The following DLGAP2 variants were observed in gnomAD, a reference collection of about 807,000 sequenced individuals.
DLGAP2 encodes DLG associated protein 2, also known as disks large-associated protein 2.
A neutral mutation model predicts 100.3 loss-of-function variants in DLGAP2; 26 were observed. The observed-to-expected ratio is 0.26, with a 90% CI of 0.19 to 0.36. The LOEUF is 0.36. DLGAP2 is among the 10% of genes least tolerant of loss of function. DLGAP2 has a pLI of 1.00. For missense variants in DLGAP2, 1,858 were observed against 1,453.2 expected (o/e 1.28, Z -4.53); for synonymous variants, 886 against 630.1 (o/e 1.41, Z -6.08).
At chr8:1,579,497 G>A (rs760243140) in intron 6 of DLGAP2, among the ~76,000 whole-genome samples, 10 of 151,644 alleles carry the variant, frequency 6.6e-5, no homozygotes, top group Non-Finnish European at 1.0e-4. Flanking sequence ...AAATAATATC[G>A]CCAAAGTAAA....
chr8:1,470,525 A>G (rs1046162510), intron 3 of DLGAP2, among the ~76,000 whole-genome samples: 5 of 152,164 alleles, frequency 3.3e-5, no homozygotes, highest in Non-Finnish European at 4.4e-5. Context: ...AACAAAATCC[A>G]TGGGCCAGTC....
At chr8:1,311,672 G>A (rs913593913) in intron 3 of DLGAP2, among the ~76,000 whole-genome samples, 33 of 151,372 alleles carry the variant, frequency 2.2e-4, no homozygotes, top group African/African-American at 7.8e-4. Flanking sequence ...CACACGAAAG[G>A]TGTCTGACAA....
At chr8:1,681,470 C>CA (rs199907239) in intron 12 of DLGAP2, among the ~76,000 whole-genome samples, 1,810 of 151,134 alleles carry the variant, frequency 0.012, 37 homozygotes, top group African/African-American at 0.039. Flanking sequence ...TTGTCTCTAC[C>CA]AAAAAAAATA....
chr8:976,142 A>G (rs1195106104), intron 2 of DLGAP2, among the ~76,000 whole-genome samples: 1 of 152,232 alleles, frequency 6.6e-6, no homozygotes, highest in Non-Finnish European at 1.5e-5. Flanking sequence ...GAAAGCATGC[A>G]TAAGATCTGT....
chr8:949,798 C>T (rs61602051), intron 2 of DLGAP2, among the ~76,000 whole-genome samples: 2,990 of 152,202 alleles, frequency 0.02, 106 homozygotes, highest in African/African-American at 0.068. Context: ...CGTCCTGGGA[C>T]GCAGGTCACG....
chr8:1,461,669 T>A (rs1426635188), intron 3 of DLGAP2, among the ~76,000 whole-genome samples: 2 of 53,408 alleles, frequency 3.7e-5, no homozygotes, highest in Non-Finnish European at 6.7e-5. Context: ...TGGGAGAAGG[T>A]GCTGCTGTCA....
intron 3 of DLGAP2, among the ~76,000 whole-genome samples, chr8:1,448,550 A>T (rs935597745): frequency 6.6e-6 from 1 of 152,148 alleles, no homozygotes. Flanking sequence ...GTGCTGAAAA[A>T]AATGTATATT....
rs1381134137 is a variant in DLGAP2 at position 1,702,326 on chromosome 8, C to G, written c.*920C>G. On this transcript the variant is annotated 3_prime_UTR_variant, in exon 15 of 15. Transcript: ENST00000637795. ...TAATGTATGTATATATATATATTCT[C>G]AAATTGCTCTATCAGCTGACTTTTC... 1 of 151,530 alleles carries G rather than the reference C, an allele frequency of 6.6e-6. No individual in the cohort carries two copies. The highest frequency in any genetic ancestry group is 1.5e-5 in the Non-Finnish European group (1 of 67,968). 9.4% of individuals were successfully genotyped at this position (151,530 alleles called of 1,614,324 possible).
chr8:1,212,696 TA>T (rs1798130545), intron 2 of DLGAP2, among the ~76,000 whole-genome samples: 1 of 151,998 alleles, frequency 6.6e-6, no homozygotes, highest in African/African-American at 2.4e-5. Flanking sequence ...TGGGAGTGAT[TA>T]AGAAACCTTC....
intron 2 of DLGAP2, among the ~76,000 whole-genome samples, chr8:917,983 T>C (rs1798631549): frequency 1.3e-5 from 2 of 152,224 alleles, no homozygotes; most frequent in South Asian, 4.1e-4. Flanking sequence ...ATGATTAATT[T>C]GTAGAGTGCA....
At chr8:1,103,191 C>G (rs913774351) in intron 2 of DLGAP2, among the ~76,000 whole-genome samples, 4 of 152,108 alleles carry the variant, frequency 2.6e-5, no homozygotes, top group Non-Finnish European at 5.9e-5. Context: ...GCCTATCTGC[C>G]CTGTGTGTGT....
At chr8:1,092,955 A>G (rs1366592016) in intron 2 of DLGAP2, among the ~76,000 whole-genome samples, 4 of 152,200 alleles carry the variant, frequency 2.6e-5, no homozygotes, top group Non-Finnish European at 4.4e-5. Context: ...GAGAGATTGT[A>G]AGGAATCATT....
At position 1,134,514 on chromosome 8, in the gene DLGAP2, T is replaced by C. The variant is rs1468188881; in HGVS notation, c.74-124337T>C. Among the ~76,000 whole-genome samples, 6 of 115,206 alleles carry C rather than the reference T, an allele frequency of 5.2e-5. No homozygotes were observed. In the Middle Eastern group the frequency reaches 0.013, roughly 246 times the overall value. The allele number at this position is 115,206 out of a possible 152,430, so 75.6% of individuals were successfully genotyped here. A position where few individuals can be genotyped will look rare whatever the true frequency, so the allele number is the denominator to read the frequency against. ...GCATGTGTTATTTTTTGAGTTTTAG[T>C]AATAGCCAGGAATTTGCATTAATTA... On this transcript the variant is annotated intron_variant, in intron 2 of 14. Transcript: ENST00000637795.
chr8:1,270,995 T>C (rs1228678096), intron 3 of DLGAP2, among the ~76,000 whole-genome samples: 2 of 152,214 alleles, frequency 1.3e-5, no homozygotes, highest in Non-Finnish European at 2.9e-5. Context: ...TGGGAAGTAA[T>C]TTTTTAAATT....
chr8:1,221,032 T>A (rs989039850), intron 2 of DLGAP2, among the ~76,000 whole-genome samples: 1 of 152,222 alleles, frequency 6.6e-6, no homozygotes, highest in African/African-American at 2.4e-5. Flanking sequence ...AGCGTACAGT[T>A]GAGTCTTGCT....
Position 1,495,550 on chromosome 8 carries a change from G to C in DLGAP2, c.107-5816G>C, listed in dbSNP as rs1222138418. On this transcript the variant is annotated intron_variant, in intron 3 of 14. Coordinates refer to ENST00000637795, the MANE Select transcript of DLGAP2 (RefSeq NM_001346810.2). Reference sequence around the variant, plus strand: ...AGGACTGCGCTGGCCCGGCGAGGTCGGTGTGCTGAGACCACAGTGTGCTCG... The same window carrying C: ...AGGACTGCGCTGGCCCGGCGAGGTCCGTGTGCTGAGACCACAGTGTGCTCG... Among the ~76,000 whole-genome samples, 3 of 152,184 alleles carry C rather than the reference G, an allele frequency of 2.0e-5. No individual in the cohort carries two copies. The East Asian group carries it at 5.8e-4, about 29-fold the overall frequency.
intron 6 of DLGAP2, among the ~76,000 whole-genome samples, chr8:1,592,380 A>C (rs1001427916): frequency 6.6e-6 from 1 of 152,010 alleles, no homozygotes; most frequent in African/African-American, 2.4e-5. Flanking sequence ...CTTTATATTG[A>C]CGATTGGCCT....
At chr8:865,301 G>C (rs1162819920) in intron 1 of DLGAP2, among the ~76,000 whole-genome samples, 1 of 152,240 alleles carries the variant, frequency 6.6e-6, no homozygotes, top group African/African-American at 2.4e-5. Flanking sequence ...AGAGAGGAGA[G>C]TTATTGCTAC....
At position 1,153,640 on chromosome 8, in the gene DLGAP2, C is replaced by T. The variant is rs548847967; in HGVS notation, c.74-105211C>T. On this transcript the variant is annotated intron_variant, in intron 2 of 14. Transcript: ENST00000637795. ...AAACCAATATTTTTTAGACTTTTCACAGGCGTATCAGAATGTGAGTCTAAT... is the reference window on the plus strand; with the variant it reads ...AAACCAATATTTTTTAGACTTTTCATAGGCGTATCAGAATGTGAGTCTAAT... Among the ~76,000 whole-genome samples the T allele has an allele frequency of 2.0e-5, 3 of 152,300 alleles. No individual in the cohort carries two copies. The East Asian group carries it at 5.8e-4, about 29-fold the overall frequency.
Sources: gnomAD v4.1 joint callset for allele counts (sites outside exome capture counted in the v4.1 genomes callset) on GRCh38, gnomAD v4.1.1 for gene constraint, MANE v1.5 for transcripts, NCBI Gene and HGNC (gene_info 2026-07-23, HGNC 2026-07-21) for gene names.